The following CAMKMT variants were observed in gnomAD, a reference collection of about 807,000 sequenced individuals.
CAMKMT encodes CaM KMT.
CAMKMT carries 53 observed loss-of-function variants against 48.0 expected under a neutral mutation model. The ratio of observed to expected loss-of-function variants is 1.10; its 90% confidence interval spans 0.89 to 1.39. CAMKMT has a LOEUF of 1.39. Among genes scored for constraint, CAMKMT ranks in the 40% most tolerant of loss-of-function variants. CAMKMT has a pLI of 0.00. For synonymous variants in CAMKMT, 165 were observed against 152.3 expected, an observed-to-expected ratio of 1.08 and a Z score of -0.61; for missense variants, 428 against 402.7, an observed-to-expected ratio of 1.06 and a Z score of -0.54.
At chr2:44,509,949 T>C (rs979083868) in intron 3 of CAMKMT, among the ~76,000 whole-genome samples, 1 of 152,216 alleles carries the variant, frequency 6.6e-6, no homozygotes, top group African/African-American at 2.4e-5. Flanking sequence ...ACCTTTTTTC[T>C]TTGTAAATTA....
At chr2:44,637,603 C>G (rs1486370107) in intron 3 of CAMKMT, among the ~76,000 whole-genome samples, 1 of 151,656 alleles carries the variant, frequency 6.6e-6, no homozygotes, top group African/African-American at 2.4e-5. Context: ...TTTTTCTGGG[C>G]TACCCAATGG....
chr2:44,609,443 A>C (rs867145674), intron 3 of CAMKMT, among the ~76,000 whole-genome samples: 1 of 151,672 alleles, frequency 6.6e-6, no homozygotes, highest in Non-Finnish European at 1.5e-5. Context: ...TTGTCTGTCA[A>C]TTTTTAAATA....
At chr2:44,603,434 C>T (rs1050339060) in intron 3 of CAMKMT, among the ~76,000 whole-genome samples, 1 of 152,142 alleles carries the variant, frequency 6.6e-6, no homozygotes, top group Non-Finnish European at 1.5e-5. Flanking sequence ...ATTAATTATA[C>T]ATATTTATTA....
intron 3 of CAMKMT, among the ~76,000 whole-genome samples, chr2:44,685,144 A>G (rs1416576936): frequency 3.9e-5 from 6 of 152,150 alleles, no homozygotes; most frequent in Non-Finnish European, 8.8e-5. Context: ...AAGAGATCAA[A>G]TTATTTTAAT....
chr2:44,614,389 G>A (rs1384847163), intron 3 of CAMKMT, among the ~76,000 whole-genome samples: 1 of 152,154 alleles, frequency 6.6e-6, no homozygotes, highest in Non-Finnish European at 1.5e-5. Context: ...CTGTGACTGG[G>A]GAACAGTTGC....
intron 2 of CAMKMT, among the ~76,000 whole-genome samples, chr2:44,384,938 G>C (rs768399781): frequency 2.0e-5 from 3 of 151,962 alleles, no homozygotes; most frequent in Admixed American, 1.3e-4. Context: ...TGTTCTTTTT[G>C]CTTAGTCTTG....
At chr2:44,533,653 A>C (rs1666607000) in intron 3 of CAMKMT, among the ~76,000 whole-genome samples, 1 of 152,220 alleles carries the variant, frequency 6.6e-6, no homozygotes, top group South Asian at 2.1e-4. Context: ...AGAAATACTT[A>C]AGGGTGTCCT....
chr2:44,646,069 G>A (rs1572986797), intron 3 of CAMKMT, among the ~76,000 whole-genome samples: 1 of 152,284 alleles, frequency 6.6e-6, no homozygotes, highest in South Asian at 2.1e-4. Context: ...TTGAGAACTA[G>A]ATCGAGAAGA....
chr2:44,567,042 C>G (rs1225244266), intron 3 of CAMKMT, among the ~76,000 whole-genome samples: 1 of 152,074 alleles, frequency 6.6e-6, no homozygotes, highest in Admixed American at 6.6e-5. Flanking sequence ...CCATAGGAAC[C>G]AGTATTTCAG....
chr2:44,562,038 AC>A (rs936870311), intron 3 of CAMKMT, among the ~76,000 whole-genome samples: 2 of 152,194 alleles, frequency 1.3e-5, no homozygotes, highest in Admixed American at 1.3e-4. Context: ...CAGGTGGTGA[AC>A]TTGTGTGAAA....
intron 3 of CAMKMT, among the ~76,000 whole-genome samples, chr2:44,526,031 C>T (rs946419231): frequency 6.6e-6 from 1 of 152,094 alleles, no homozygotes. Context: ...AAATGTGGCA[C>T]ATATACACCA....
intron 7 of CAMKMT, among the ~76,000 whole-genome samples, chr2:44,719,014 G>T (rs749643252): frequency 1.1e-4 from 17 of 152,272 alleles, no homozygotes; most frequent in Non-Finnish European, 2.5e-4. Flanking sequence ...TGTGGAAAAT[G>T]ATTTTTGAAA....
intron 3 of CAMKMT, chr2:44,550,890 T>C (rs535901095): frequency 6.6e-6 from 1 of 152,226 alleles, no homozygotes; most frequent in Non-Finnish European, 1.5e-5. Context: ...TATATCTTCA[T>C]AGAGACTGCC....
Position 44,407,325 on chromosome 2 carries a change from T to C in CAMKMT, c.376+17020T>C, listed in dbSNP as rs922453067. On this transcript the variant is annotated intron_variant, in intron 3 of 10. Transcript: ENST00000378494. Reference sequence around the variant, plus strand: ...TAGACTGTTAAGTTGGTTCAAGGCTTGTGGTAGGGCCTGGAGGGCTCATTC... The same window carrying C: ...TAGACTGTTAAGTTGGTTCAAGGCTCGTGGTAGGGCCTGGAGGGCTCATTC... 4.2e-4 allele frequency among the ~76,000 whole-genome samples: 64 copies of C among 152,148 alleles called. 1 individual carries two copies. Among genetic ancestry groups the C allele is most frequent in the Non-Finnish European group, 7.3e-5 (5 of 68,034 alleles).
At chr2:44,720,142 G>A (rs1678385707) in intron 7 of CAMKMT, among the ~76,000 whole-genome samples, 2 of 152,126 alleles carry the variant, frequency 1.3e-5, no homozygotes, top group Non-Finnish European at 2.9e-5. Flanking sequence ...AAGAACGTTA[G>A]CCGGTTCAGC....
chr2:44,543,829 A>G (rs1431229435), intron 3 of CAMKMT, among the ~76,000 whole-genome samples: 1 of 152,194 alleles, frequency 6.6e-6, no homozygotes, highest in Non-Finnish European at 1.5e-5. Flanking sequence ...CCAGAATACT[A>G]TTTTAGTAGC....
intron 3 of CAMKMT, among the ~76,000 whole-genome samples, chr2:44,505,314 T>G (rs1572668787): frequency 6.6e-6 from 1 of 152,224 alleles, no homozygotes; most frequent in East Asian, 1.9e-4. Context: ...TGCAGTAGTT[T>G]GCAAATGTTT....
intron 3 of CAMKMT, among the ~76,000 whole-genome samples, chr2:44,488,023 T>A (rs1669293329): frequency 7.2e-5 from 11 of 152,226 alleles, no homozygotes. Flanking sequence ...CTGTAGTATG[T>A]AAGAGAACTC....
At chr2:44,770,513 T>C (rs1228768959) in intron 10 of CAMKMT, among the ~76,000 whole-genome samples, 1 of 152,230 alleles carries the variant, frequency 6.6e-6, no homozygotes, top group Non-Finnish European at 1.5e-5. Context: ...TGTGAGTGAG[T>C]AGGTCAGCTG....
Sources: allele counts gnomAD v4.1 joint callset (sites outside exome capture counted in the v4.1 genomes callset), GRCh38; gene constraint gnomAD v4.1.1; transcripts MANE v1.5; gene names NCBI Gene and HGNC (gene_info 2026-07-23, HGNC 2026-07-21).